Variants in TSHZ1 observed in about 807,000 individuals in gnomAD.
TSHZ1 encodes teashirt homolog 1.
Under a neutral mutation model 67.1 loss-of-function variants are expected in TSHZ1, and 12 were observed. The ratio of observed to expected loss-of-function variants is 0.18; its 90% CI spans 0.11 to 0.29. The LOEUF is 0.29. Among genes scored for constraint, TSHZ1 ranks in the 10% least tolerant of loss-of-function variants. The probability of loss-of-function intolerance (pLI) is 1.00; values close to 1 mark genes in which losing one functional copy is unlikely to be tolerated. For synonymous variants in TSHZ1, 632 were observed against 622.4 expected (o/e 1.02, Z -0.23); for missense variants, 1,305 against 1,413.9 (o/e 0.92, Z 1.23).
intron 1 of TSHZ1, among the ~76,000 whole-genome samples, chr18:75,228,041 A>G (rs2022948326): frequency 6.6e-6 from 1 of 152,218 alleles, no homozygotes; most frequent in South Asian, 2.1e-4. Context: ...GGTGAATATT[A>G]TTTAGACTTG....
intron 1 of TSHZ1, among the ~76,000 whole-genome samples, chr18:75,237,570 G>A (rs905576068): frequency 2.0e-5 from 3 of 151,954 alleles, no homozygotes; most frequent in African/African-American, 7.3e-5. Context: ...GCATATATAT[G>A]TGTGTATACA....
chr18:75,224,903 A>G (rs1331120091), intron 1 of TSHZ1, among the ~76,000 whole-genome samples: 3 of 152,072 alleles, frequency 2.0e-5, no homozygotes, highest in Non-Finnish European at 4.4e-5. Flanking sequence ...AACGCGTGCT[A>G]TTCTACAACC....
intron 1 of TSHZ1, among the ~76,000 whole-genome samples, chr18:75,248,145 G>C (rs955827173): frequency 6.6e-6 from 1 of 152,158 alleles, no homozygotes; most frequent in Admixed American, 6.5e-5. Flanking sequence ...TTCTCATACT[G>C]GAAACTGTAT....
chr18:75,265,064 A>G (rs1016405769), intron 1 of TSHZ1, among the ~76,000 whole-genome samples: 10 of 152,256 alleles, frequency 6.6e-5, no homozygotes, highest in African/African-American at 2.4e-4. Flanking sequence ...TTTTACATGC[A>G]GAATGTGATC....
At position 75,285,543 on chromosome 18, in the gene TSHZ1, A is replaced by C. The variant is rs778320181; in HGVS notation, c.136A>C (p.Met46Leu). 6 of 1,574,654 alleles carry C rather than the reference A, an allele frequency of 3.8e-6. No homozygotes were observed. The East Asian group carries it at 9.1e-5, about 24-fold the overall frequency. Residue 46 changes from methionine (M) to leucine (L), a missense_variant, in exon 2 of 2, where the codon ATG becomes CTG. Around this residue, in one of 3 missense-constraint regions of TSHZ1, gnomAD observed 358 missense variants for 375.6 expected, o/e 0.95. Transcript: ENST00000580243. ...LSLDIQESEY[M>L]CNEETEIKEA... is the part of the protein sequence containing the mutation. ...TTTGGACATTCAGGAAAGTGAGTAC[A>C]TGTGCAATGAAGAGACGGAGATCAA...
Position 75,211,781 on chromosome 18 carries a change from C to T in TSHZ1, c.-96C>T. The stretch of plus-strand genomic sequence containing the variant: ...CCGCGGGGACGAGGCCAAAGTTGGG[C>T]GCGCCGCGGAGTTGCGCCCGCGCCC... On this transcript the variant is annotated 5_prime_UTR_variant, in exon 1 of 2. Coordinates refer to ENST00000580243, the MANE Select transcript of TSHZ1 (RefSeq NM_001308210.2). 2.4e-6 allele frequency: 2 copies of T among 828,094 alleles called. No homozygotes were observed. The highest frequency in any genetic ancestry group is 2.9e-6 in the Non-Finnish European group (2 of 684,326). 51.3% of individuals were successfully genotyped at this position (828,094 alleles called of 1,614,324 possible).
At chr18:75,258,934 A>C (rs1043060174) in intron 1 of TSHZ1, among the ~76,000 whole-genome samples, 1 of 152,218 alleles carries the variant, frequency 6.6e-6, no homozygotes, top group Non-Finnish European at 1.5e-5. Context: ...GATACTTAAA[A>C]ATAGTAATAC....
rs185304061 is a variant in TSHZ1 at position 75,231,831 on chromosome 18, C to G, written c.40+19915C>G. On this transcript the variant is annotated intron_variant, in intron 1 of 1. Transcript: ENST00000580243. ...TTGATGATAGGTGTGTTCCACTATG[C>G]CTGGCCCACTCTGCGATTTTAGATC... Among the ~76,000 whole-genome samples the G allele has an allele frequency of 2.0e-4, 30 of 152,030 alleles. No individual in the cohort carries two copies. The East Asian group carries it at 5.5e-3, about 28-fold the overall frequency.
At position 75,288,189 on chromosome 18, in the gene TSHZ1, C is replaced by T; in HGVS notation, c.2782C>T (p.His928Tyr). The T allele has an allele frequency of 6.2e-7, 1 of 1,614,188 alleles. No individual in the cohort carries two copies. The highest frequency in any genetic ancestry group is 8.5e-7 in the Non-Finnish European group (1 of 1,180,046). ...GGACTTGGGCCCGCAGGAGAGGGTG[C>T]ACATCTCGAAGTTTACTGGGCTCTC... Reference protein sequence around the residue: ...MSDLGPQERVHISKFTGLSMT... With the variant: ...MSDLGPQERVYISKFTGLSMT... Residue 928 changes from histidine (H) to tyrosine (Y), a missense_variant, in exon 2 of 2, where the codon CAC (histidine) becomes TAC (tyrosine). This residue lies in a region of TSHZ1 where 909 missense variants were observed against 961.8 expected (regional missense o/e 0.95). Coordinates refer to ENST00000580243, the MANE Select transcript of TSHZ1 (RefSeq NM_001308210.2). This position sits in a 1 kb window ranked among gnomAD's most constrained non-coding sequence, Gnocchi z 4.9.
intron 1 of TSHZ1, among the ~76,000 whole-genome samples, chr18:75,254,118 TG>T (rs918701855): frequency 3.9e-5 from 6 of 152,234 alleles, no homozygotes; most frequent in African/African-American, 1.4e-4. Flanking sequence ...TGCTTCTGTT[TG>T]GTTTTAAAAA....
chr18:75,212,052 C>T, intron 1 of TSHZ1, 136 bp downstream of exon 1: 1 of 593,906 alleles, frequency 1.7e-6, no homozygotes, highest in Non-Finnish European at 2.3e-6. Flanking sequence ...CTGCGCTGGC[C>T]ACAGTCGTCT....
At position 75,288,709 on chromosome 18, in the gene TSHZ1, G is replaced by A; in HGVS notation, c.*68G>A. ...CGTCGAGCTGCACTAGGCCTGGCCT[G>A]AGCCTCTGAAATCAGTCTTTCCTTT... On this transcript the variant is annotated 3_prime_UTR_variant, in exon 2 of 2. Transcript: ENST00000580243. This position sits in a 1 kb window ranked among gnomAD's most constrained non-coding sequence, Gnocchi z 4.9. 6.6e-7 allele frequency: 1 copy of A among 1,511,320 alleles called. No homozygotes were observed. 93.6% of individuals were successfully genotyped at this position (1,511,320 alleles called of 1,614,324 possible). A position where few individuals can be genotyped will look rare whatever the true frequency, so the allele number is the denominator to read the frequency against.
chr18:75,267,745 A>G lies in TSHZ1; in HGVS notation c.41-17703A>G, dbSNP rs1033739425. Among the ~76,000 whole-genome samples the G allele has an allele frequency of 2.6e-5, 4 of 152,344 alleles. No individual in the cohort carries two copies. In the South Asian group the frequency reaches 8.3e-4, roughly 32 times the overall value. On this transcript the variant is annotated intron_variant, in intron 1 of 1. Transcript: ENST00000580243. The stretch of plus-strand genomic sequence containing the variant: ...TGACACATGCTTGAGTATGAGAAAG[A>G]TGGTGAATGTTTTGCACAAGTGGAG...
At chr18:75,241,059 G>C (rs754736521) in intron 1 of TSHZ1, among the ~76,000 whole-genome samples, 6 of 152,186 alleles carry the variant, frequency 3.9e-5, no homozygotes, top group Non-Finnish European at 8.8e-5. Context: ...CCATGGGACA[G>C]TCATTTGCCT....
At chr18:75,250,673 A>G (rs1470239797) in intron 1 of TSHZ1, among the ~76,000 whole-genome samples, 1 of 152,106 alleles carries the variant, frequency 6.6e-6, no homozygotes, top group Non-Finnish European at 1.5e-5. Context: ...GGCTGAGTGC[A>G]TCTCCCCTCT....
At chr18:75,233,759 A>C (rs17056701) in intron 1 of TSHZ1, among the ~76,000 whole-genome samples, 6,387 of 152,058 alleles carry the variant, frequency 0.042, 445 homozygotes, top group African/African-American at 0.14. Flanking sequence ...CACACTTTTC[A>C]CTTGGAAGGA....
chr18:75,264,455 C>T (rs546780787), intron 1 of TSHZ1, among the ~76,000 whole-genome samples: 74 of 150,490 alleles, frequency 4.9e-4, no homozygotes, highest in East Asian at 1.8e-3. Context: ...TCATGCTTAG[C>T]GTTCTCCCAG....
At chr18:75,260,130 G>T (rs1032835196) in intron 1 of TSHZ1, among the ~76,000 whole-genome samples, 1 of 152,240 alleles carries the variant, frequency 6.6e-6, no homozygotes, top group Non-Finnish European at 1.5e-5. Context: ...ACGAATGAGG[G>T]CAGGCCTGGC....
intron 1 of TSHZ1, among the ~76,000 whole-genome samples, chr18:75,246,403 G>GGTTGTGTGTGTGTGTGT (rs1555727132): frequency 1.8e-5 from 2 of 108,372 alleles, no homozygotes; most frequent in African/African-American, 3.5e-5. Flanking sequence ...TTTGGTTTCT[G>GGTTGTGTGTGTGTGTGT]GTGTGTGTGT....
Sources: allele counts gnomAD v4.1 joint callset (sites outside exome capture counted in the v4.1 genomes callset), GRCh38; gene constraint gnomAD v4.1.1; regional missense constraint gnomAD v4.1.1; non-coding constraint Gnocchi (gnomAD v3.1); transcripts MANE v1.5; gene names NCBI Gene and HGNC (gene_info 2026-07-23, HGNC 2026-07-21).